MAP2K5: variants seen among roughly 807,000 people sequenced by gnomAD.
The protein encoded by MAP2K5 is mitogen-activated protein kinase kinase 5.
A neutral mutation model predicts 83.1 loss-of-function variants in MAP2K5; 49 were observed. The ratio of observed to expected loss-of-function variants is 0.59; its 90% CI spans 0.47 to 0.75. MAP2K5 has a LOEUF of 0.75. MAP2K5 is among the 30% of genes least tolerant of loss of function. The probability of loss-of-function intolerance (pLI) is 0.00; values close to 1 mark genes in which losing one functional copy is unlikely to be tolerated. For missense variants in MAP2K5, 457 were observed against 557.5 expected (o/e 0.82, Z 1.82); for synonymous variants, 202 against 191.8 (o/e 1.05, Z -0.44).
At chr15:67,546,896 C>G (rs1455332300) in intron 1 of MAP2K5, among the ~76,000 whole-genome samples, 1 of 152,068 alleles carries the variant, frequency 6.6e-6, no homozygotes, top group East Asian at 1.9e-4. Context: ...AAAACCCCAT[C>G]TCTACAAAAA....
intron 19 of MAP2K5, among the ~76,000 whole-genome samples, chr15:67,763,871 C>T (rs965503705): frequency 6.6e-6 from 1 of 152,120 alleles, no homozygotes; most frequent in Non-Finnish European, 1.5e-5. Context: ...TGCAGTGATC[C>T]AATAGAGCTT....
chr15:67,689,230 ACATACATG>A (rs1166217783), intron 13 of MAP2K5, among the ~76,000 whole-genome samples: 2 of 152,214 alleles, frequency 1.3e-5, no homozygotes, highest in African/African-American at 2.4e-5. Context: ...TCTCTGAAAT[ACATACATG>A]CATACATACA....
intron 2 of MAP2K5, 59 bp downstream of exon 2, chr15:67,550,141 T>C: frequency 7.4e-7 from 1 of 1,350,866 alleles, no homozygotes; most frequent in African/African-American, 1.4e-5. Context: ...TTTTAAAGGG[T>C]TTATGGGTGG....
Position 67,559,828 on chromosome 15 carries a change from C to T in MAP2K5, c.185-3455C>T, listed in dbSNP as rs1189830266. Reference sequence around the variant, plus strand: ...CCCCACCCCTTTTGTTGGTCATATCCGGTAACGTTTTTTTGGTCAGATGGC... The same window carrying T: ...CCCCACCCCTTTTGTTGGTCATATCTGGTAACGTTTTTTTGGTCAGATGGC... On this transcript the variant is annotated intron_variant, in intron 2 of 21. Coordinates refer to ENST00000178640, the MANE Select transcript of MAP2K5 (RefSeq NM_145160.3). The surrounding 1 kb of genome is among the most constrained non-coding windows in gnomAD (Gnocchi z 4.7). Among the ~76,000 whole-genome samples the T allele has an allele frequency of 3.9e-5, 6 of 152,126 alleles. No individual in the cohort carries two copies. Among genetic ancestry groups the T allele is most frequent in the African/African-American group, 2.4e-5 (1 of 41,424 alleles).
Position 67,793,690 on chromosome 15 carries a change from A to G in MAP2K5, c.1243-12956A>G, listed in dbSNP as rs2090555670. On this transcript the variant is annotated intron_variant, in intron 21 of 21. Coordinates refer to ENST00000178640, the MANE Select transcript of MAP2K5 (RefSeq NM_145160.3). This position sits in a 1 kb window ranked among gnomAD's most constrained non-coding sequence, Gnocchi z 4.6. ...TAAGGGTGTCAAAGTATAGTGGTCTATAGATTGTAAAGTGCCCCTAGATTT... is the reference window on the plus strand; with the variant it reads ...TAAGGGTGTCAAAGTATAGTGGTCTGTAGATTGTAAAGTGCCCCTAGATTT... Among the ~76,000 whole-genome samples, 1 of 152,228 alleles carries G rather than the reference A, an allele frequency of 6.6e-6. No individual in the cohort carries two copies. Among genetic ancestry groups the G allele is most frequent in the Non-Finnish European group, 1.5e-5 (1 of 68,034 alleles).
At position 67,555,521 on chromosome 15, in the gene MAP2K5, T is replaced by C. The variant is rs1406362183; in HGVS notation, c.184+5439T>C. Reference sequence around the variant, plus strand: ...GATAAATTCTTAGAGTTGGAACTACTGAGACAAAGAATACCCATATTTAAA... The same window carrying C: ...GATAAATTCTTAGAGTTGGAACTACCGAGACAAAGAATACCCATATTTAAA... On this transcript the variant is annotated intron_variant, in intron 2 of 21. Transcript: ENST00000178640. This position sits in a 1 kb window ranked among gnomAD's most constrained non-coding sequence, Gnocchi z 5.2. 6.6e-6 allele frequency among the ~76,000 whole-genome samples: 1 copy of C among 152,218 alleles called. No individual in the cohort carries two copies. The highest frequency in any genetic ancestry group is 2.4e-5 in the African/African-American group (1 of 41,448).
Position 67,748,752 on chromosome 15 carries a change from G to T in MAP2K5, c.1134+151G>T. 1.5e-6 allele frequency: 1 copy of T among 658,962 alleles called. No individual in the cohort carries two copies. The highest frequency in any genetic ancestry group is 2.0e-5 in the South Asian group (1 of 49,058). 40.8% of individuals were successfully genotyped at this position (658,962 alleles called of 1,614,324 possible). A position where few individuals can be genotyped will look rare whatever the true frequency, so the allele number is the denominator to read the frequency against. On this transcript the variant is annotated intron_variant, in intron 19 of 21. Transcript: ENST00000178640. The surrounding 1 kb of genome is among the most constrained non-coding windows in gnomAD (Gnocchi z 4.0). ...GAGCTATGTTACGTGAACTGGCCTT[G>T]TCCTGAATCCCACTCTTCTGATTCT... is the stretch of plus-strand genomic sequence containing the variant.
chr15:67,721,300 A>G (rs1436696808), intron 16 of MAP2K5, among the ~76,000 whole-genome samples: 3 of 152,026 alleles, frequency 2.0e-5, no homozygotes, highest in Admixed American at 6.6e-5. Context: ...TATTTGTGCT[A>G]CTGTTTGGGC....
Position 67,570,549 on chromosome 15 carries a change from A to G in MAP2K5, c.252+7199A>G, listed in dbSNP as rs549328089. On this transcript the variant is annotated intron_variant, in intron 3 of 21. Transcript: ENST00000178640. Reference sequence around the variant, plus strand: ...GATATTCAAAATAGATTGGCTTCATATGTTATTTTTGACCACTGGGGCAGT... The same window carrying G: ...GATATTCAAAATAGATTGGCTTCATGTGTTATTTTTGACCACTGGGGCAGT... Among the ~76,000 whole-genome samples, 121 of 152,348 alleles carry G rather than the reference A, an allele frequency of 7.9e-4. 1 individual carries two copies. The highest frequency in any genetic ancestry group is 3.5e-3 in the Admixed American group (53 of 15,298).
Position 67,783,191 on chromosome 15 carries a change from A to T in MAP2K5, c.1242+10439A>T, listed in dbSNP as rs979655808. ...TCCTGCCTGACACCGAGGAGGCAGCATGTCAGCCCCAAGTCCTGACCCCCC... is the reference window on the plus strand; with the variant it reads ...TCCTGCCTGACACCGAGGAGGCAGCTTGTCAGCCCCAAGTCCTGACCCCCC... On this transcript the variant is annotated intron_variant, in intron 21 of 21. Coordinates refer to ENST00000178640, the MANE Select transcript of MAP2K5 (RefSeq NM_145160.3). This position sits in a 1 kb window ranked among gnomAD's most constrained non-coding sequence, Gnocchi z 5.1. Among the ~76,000 whole-genome samples, 1 of 152,220 alleles carries T rather than the reference A, an allele frequency of 6.6e-6. No homozygotes were observed. Among genetic ancestry groups the T allele is most frequent in the Non-Finnish European group, 1.5e-5 (1 of 68,038 alleles).
intron 17 of MAP2K5, among the ~76,000 whole-genome samples, chr15:67,730,918 A>T (rs1162816791): frequency 6.6e-6 from 1 of 152,012 alleles, no homozygotes; most frequent in Non-Finnish European, 1.5e-5. Context: ...TTGCTTTGTA[A>T]CTCTGAGGTG....
chr15:67,548,926 A>T (rs79463986), intron 1 of MAP2K5: 2 of 850,808 alleles, frequency 2.4e-6, no homozygotes, highest in East Asian at 3.1e-5. Context: ...AAAAAAAAAA[A>T]GCACTATAGA....
chr15:67,667,431 G>A (rs1291561829), intron 13 of MAP2K5, among the ~76,000 whole-genome samples: 1 of 152,120 alleles, frequency 6.6e-6, no homozygotes, highest in Admixed American at 6.6e-5. Flanking sequence ...ATGATGATGG[G>A]AATTCTAGCT....
At chr15:67,601,938 A>T (rs2141028077) in intron 8 of MAP2K5, among the ~76,000 whole-genome samples, 1 of 152,276 alleles carries the variant, frequency 6.6e-6, no homozygotes, top group East Asian at 1.9e-4. Context: ...ACATGTTTGG[A>T]TTGTTTTTTC....
Position 67,774,202 on chromosome 15 carries a change from T to TGTGTGTGTGA in MAP2K5, c.1242+1451_1242+1452insTGTGTGTGAG, listed in dbSNP as rs146888784. 2.0e-5 allele frequency among the ~76,000 whole-genome samples: 3 copies of TGTGTGTGTGA among 150,580 alleles called. No individual in the cohort carries two copies. Among genetic ancestry groups the TGTGTGTGTGA allele is most frequent in the African/African-American group, 7.4e-5 (3 of 40,730 alleles). ...GTGTGTGTGTGTGTGTGTGTGTGTG[T>TGTGTGTGTGA]GAGAGAACATAGGTATTTAGATATA... is the stretch of plus-strand genomic sequence containing the variant. On this transcript the variant is annotated intron_variant, in intron 21 of 21. Transcript: ENST00000178640. This position sits in a 1 kb window ranked among gnomAD's most constrained non-coding sequence, Gnocchi z 4.9.
chr15:67,651,122 G>T (rs747104581), intron 11 of MAP2K5, among the ~76,000 whole-genome samples: 16 of 152,198 alleles, frequency 1.1e-4, no homozygotes, highest in Admixed American at 2.0e-4. Flanking sequence ...AGAGGCTGAG[G>T]CAGGAGAATC....
At chr15:67,680,665 T>C (rs2087795004) in intron 13 of MAP2K5, among the ~76,000 whole-genome samples, 1 of 152,226 alleles carries the variant, frequency 6.6e-6, no homozygotes, top group South Asian at 2.1e-4. Context: ...CTAATAATCT[T>C]CTAAGCATTT....
intron 4 of MAP2K5, among the ~76,000 whole-genome samples, chr15:67,585,087 A>AAG (rs2141000897): frequency 6.6e-6 from 1 of 151,892 alleles, no homozygotes; most frequent in East Asian, 1.9e-4. Flanking sequence ...AAAAAAAAAA[A>AAG]AAAAAAAATC....
At position 67,720,623 on chromosome 15, in the gene MAP2K5, T is replaced by C. The variant is rs1297475150; in HGVS notation, c.1045-7293T>C. Among the ~76,000 whole-genome samples, 1 of 152,142 alleles carries C rather than the reference T, an allele frequency of 6.6e-6. No individual in the cohort carries two copies. Among genetic ancestry groups the C allele is most frequent in the Non-Finnish European group, 1.5e-5 (1 of 68,032 alleles). On this transcript the variant is annotated intron_variant, in intron 16 of 21. Coordinates refer to ENST00000178640, the MANE Select transcript of MAP2K5 (RefSeq NM_145160.3). This position sits in a 1 kb window ranked among gnomAD's most constrained non-coding sequence, Gnocchi z 5.7. ...AAGGTACTAATGCCTGAGGGGTGGG[T>C]CATGAATTAATAATTGCTATGTGGC...
Sources: gnomAD v4.1 joint callset for allele counts (sites outside exome capture counted in the v4.1 genomes callset) on GRCh38, gnomAD v4.1.1 for gene constraint, Gnocchi (gnomAD v3.1) non-coding constraint, MANE v1.5 for transcripts, NCBI Gene and HGNC (gene_info 2026-07-23, HGNC 2026-07-21) for gene names.